TMTC2: variants seen among roughly 807,000 people sequenced by gnomAD.
TMTC2 encodes the protein transmembrane O-mannosyltransferase targeting cadherins 2.
In TMTC2, 43 loss-of-function variants were observed where a neutral mutation model predicts 82.4. The observed-to-expected ratio is 0.52, with a 90% CI of 0.41 to 0.67. TMTC2 has a LOEUF of 0.67. TMTC2 is among the 30% of genes least tolerant of loss of function. TMTC2 has a pLI of 0.00. For synonymous variants in TMTC2, 408 were observed against 381.9 expected, an observed-to-expected ratio of 1.07 and a Z score of -0.80; for missense variants, 919 against 1,012.4, an observed-to-expected ratio of 0.91 and a Z score of 1.25.
intron 8 of TMTC2, among the ~76,000 whole-genome samples, chr12:82,995,962 G>A (rs900834072): frequency 5.3e-5 from 8 of 152,052 alleles, no homozygotes; most frequent in African/African-American, 1.9e-4. Context: ...TTAGCTTTTT[G>A]GTTATTATGC....
intron 1 of TMTC2, among the ~76,000 whole-genome samples, chr12:82,815,643 GATTTTTTT>G (rs1868667521): frequency 1.3e-5 from 2 of 151,948 alleles, no homozygotes; most frequent in East Asian, 1.9e-4. Flanking sequence ...GATAAATACA[GATTTTTTT>G]ATTTTTTTAT....
chr12:83,092,246 G>A (rs371027202), intron 11 of TMTC2, among the ~76,000 whole-genome samples: 2 of 152,128 alleles, frequency 1.3e-5, no homozygotes, highest in African/African-American at 4.8e-5. Context: ...CCACACAAAG[G>A]CTAGGCCCAG....
chr12:82,707,002 T>A (rs767672144), intron 1 of TMTC2, among the ~76,000 whole-genome samples: 3 of 152,216 alleles, frequency 2.0e-5, no homozygotes, highest in Non-Finnish European at 4.4e-5. Context: ...GCACCTTTAT[T>A]TTTGCTGGCA....
chr12:82,692,306 A>AT lies in TMTC2; in HGVS notation c.83+4638dup, dbSNP rs796592568. ...ATCTGCACTTAGTTCTTCAGTGCTA[A>AT]TGTGCCCCTGTTGTTAATACTGAAT... On this transcript the variant is annotated intron_variant, in intron 1 of 11. Transcript: ENST00000321196. Among the ~76,000 whole-genome samples the AT allele has an allele frequency of 2.6e-5, 4 of 152,322 alleles. No homozygotes were observed. In the South Asian group the frequency reaches 6.2e-4, roughly 24 times the overall value.
intron 3 of TMTC2, among the ~76,000 whole-genome samples, chr12:82,918,153 G>A (rs1045922776): frequency 2.9e-4 from 44 of 151,754 alleles, no homozygotes; most frequent in African/African-American, 1.0e-3. Flanking sequence ...CAAGCAATCC[G>A]CCCAGCTTGG....
intron 11 of TMTC2, among the ~76,000 whole-genome samples, chr12:83,105,864 C>T (rs1884374400): frequency 6.6e-6 from 1 of 152,150 alleles, no homozygotes; most frequent in Non-Finnish European, 1.5e-5. Context: ...AAAACACGGA[C>T]ATCACAAGAC....
At chr12:83,002,382 T>C (rs1466452158) in intron 8 of TMTC2, among the ~76,000 whole-genome samples, 1 of 152,194 alleles carries the variant, frequency 6.6e-6, no homozygotes, top group Non-Finnish European at 1.5e-5. Context: ...ATCAACTTTG[T>C]TTATTCTTTC....
At chr12:82,750,115 C>T (rs929302997) in intron 1 of TMTC2, among the ~76,000 whole-genome samples, 18 of 152,046 alleles carry the variant, frequency 1.2e-4, no homozygotes, top group African/African-American at 2.9e-4. Context: ...GTAGCCAATT[C>T]GGATATTTCT....
chr12:82,764,977 G>C (rs111406106), intron 1 of TMTC2, among the ~76,000 whole-genome samples: 91 of 150,784 alleles, frequency 6.0e-4, no homozygotes, highest in African/African-American at 2.0e-3. Flanking sequence ...TGGTGGGCGG[G>C]GGGGTGACTG....
intron 1 of TMTC2, among the ~76,000 whole-genome samples, chr12:82,814,519 T>C (rs1868577973): frequency 6.6e-6 from 1 of 152,138 alleles, no homozygotes; most frequent in African/African-American, 2.4e-5. Flanking sequence ...TGAGCAAGAA[T>C]GTTGAGCATA....
At chr12:82,861,060 C>T (rs1871519821) in intron 2 of TMTC2, among the ~76,000 whole-genome samples, 1 of 152,186 alleles carries the variant, frequency 6.6e-6, no homozygotes, top group South Asian at 2.1e-4. Context: ...AACTCTGCAT[C>T]CTAGTTATCA....
intron 2 of TMTC2, among the ~76,000 whole-genome samples, chr12:82,858,887 GT>G (rs1193879328): frequency 6.6e-6 from 1 of 152,106 alleles, no homozygotes; most frequent in Non-Finnish European, 1.5e-5. Flanking sequence ...TTTAGAGAGA[GT>G]AATTGTTTTC....
chr12:83,107,178 A>G (rs1884435299), intron 11 of TMTC2, among the ~76,000 whole-genome samples: 1 of 152,236 alleles, frequency 6.6e-6, no homozygotes, highest in Admixed American at 6.5e-5. Context: ...CAGTGGAAGT[A>G]TGATCTTACA....
At position 82,933,164 on chromosome 12, in the gene TMTC2, C is replaced by T. The variant is rs116823993; in HGVS notation, c.1598+2619C>T. 3.9e-3 allele frequency among the ~76,000 whole-genome samples: 590 copies of T among 152,194 alleles called. 6 individuals are homozygous for T. The highest frequency in any genetic ancestry group is 0.013 in the African/African-American group (556 of 41,538). ...AACCACACTTATCTGTCACCCTAAA[C>T]GGAGAAGCTTAAATTCCACAAGAAA... On this transcript the variant is annotated intron_variant, in intron 4 of 11. Transcript: ENST00000321196.
chr12:83,019,970 C>T (rs1880841189), intron 8 of TMTC2, among the ~76,000 whole-genome samples: 1 of 152,166 alleles, frequency 6.6e-6, no homozygotes, highest in African/African-American at 2.4e-5. Flanking sequence ...GGGCTTCACA[C>T]AGTGTTTTTG....
intron 1 of TMTC2, among the ~76,000 whole-genome samples, chr12:82,793,671 G>A (rs1878570261): frequency 6.6e-6 from 1 of 152,104 alleles, no homozygotes; most frequent in African/African-American, 2.4e-5. Flanking sequence ...TTCCCGTGCT[G>A]TTAGAAATGA....
At chr12:82,954,451 T>G in intron 4 of TMTC2, among the ~76,000 whole-genome samples, 1 of 152,262 alleles carries the variant, frequency 6.6e-6, no homozygotes, top group East Asian at 1.9e-4. Context: ...ATTCATTATT[T>G]GGTAAGCTCC....
At chr12:83,002,147 T>C (rs1879956040) in intron 8 of TMTC2, among the ~76,000 whole-genome samples, 1 of 152,186 alleles carries the variant, frequency 6.6e-6, no homozygotes, top group East Asian at 1.9e-4. Context: ...ACTGATTCAA[T>C]TTCAAAACTC....
chr12:82,963,172 G>T (rs1313252944), intron 4 of TMTC2, among the ~76,000 whole-genome samples: 2 of 151,928 alleles, frequency 1.3e-5, no homozygotes, highest in African/African-American at 4.8e-5. Context: ...AGAAAATCTG[G>T]CTTTGAAGGG....
Sources: allele counts gnomAD v4.1 joint callset (sites outside exome capture counted in the v4.1 genomes callset), GRCh38; gene constraint gnomAD v4.1.1; transcripts MANE v1.5; gene names NCBI Gene and HGNC (gene_info 2026-07-23, HGNC 2026-07-21).